The following SENP1 variants were observed in gnomAD, a reference collection of about 807,000 sequenced individuals.
SENP1 encodes sentrin-specific protease 1.
Under a neutral mutation model 93.0 loss-of-function variants are expected in SENP1, and 21 were observed. That is an observed-to-expected ratio of 0.23 (90% CI 0.16 to 0.33). The LOEUF is 0.33. Among genes scored for constraint, SENP1 ranks in the 10% least tolerant of loss-of-function variants. The pLI, the probability that SENP1 is intolerant of heterozygous loss-of-function variation, is 1.00. For synonymous variants in SENP1, 256 were observed against 259.6 expected, an observed-to-expected ratio of 0.99 and a Z score of 0.13; for missense variants, 591 against 758.7, an observed-to-expected ratio of 0.78 and a Z score of 2.60.
At chr12:48,071,578 T>G in intron 9 of SENP1, 89 bp downstream of exon 9, 1 of 920,560 alleles carries the variant, frequency 1.1e-6, no homozygotes, top group South Asian at 1.5e-5. Flanking sequence ...ATCGCGCCAC[T>G]ACACTCCAGC....
chr12:48,097,029 A>G (rs1002126284), intron 3 of SENP1, among the ~76,000 whole-genome samples: 2 of 152,112 alleles, frequency 1.3e-5, no homozygotes, highest in Non-Finnish European at 2.9e-5. Context: ...CATACTAACA[A>G]GAAAGGAAAA....
Position 48,088,688 on chromosome 12 carries a change from G to A in SENP1, c.380+113C>T, listed in dbSNP as rs996672479. The A allele has an allele frequency of 2.6e-5, 26 of 1,009,042 alleles. No homozygotes were observed. In the African/African-American group the frequency reaches 4.0e-4, roughly 15 times the overall value. 62.5% of individuals were successfully genotyped at this position (1,009,042 alleles called of 1,614,324 possible). ...TTTGTTCATATCCTTAAGGTTTAAA[G>A]TCCAAAAATGGTGTTACTCTTTTAA... On this transcript the variant is annotated intron_variant, in intron 5 of 17. Transcript: ENST00000549518.
At chr12:48,082,684 T>C (rs1475808118) in intron 6 of SENP1, among the ~76,000 whole-genome samples, 1 of 152,360 alleles carries the variant, frequency 6.6e-6, no homozygotes, top group Non-Finnish European at 1.5e-5. Flanking sequence ...GCAAATTATA[T>C]GCTACATTAC....
intron 2 of SENP1, among the ~76,000 whole-genome samples, chr12:48,098,685 T>C (rs372924802): frequency 2.0e-4 from 30 of 147,824 alleles, no homozygotes; most frequent in African/African-American, 7.0e-4. Flanking sequence ...GTGGCACGTG[T>C]CTGTAGCCTC....
At chr12:48,078,366 TACAC>T (rs1944283803) in intron 6 of SENP1, among the ~76,000 whole-genome samples, 1 of 112,204 alleles carries the variant, frequency 8.9e-6, no homozygotes, top group African/African-American at 3.3e-5. Context: ...CACACACACA[TACAC>T]ATATATACTT....
chr12:48,090,888 G>C (rs536561358), intron 4 of SENP1, among the ~76,000 whole-genome samples: 1 of 152,144 alleles, frequency 6.6e-6, no homozygotes, highest in African/African-American at 2.4e-5. Context: ...ATACAAGTGA[G>C]CCACTGTGCC....
intron 13 of SENP1, among the ~76,000 whole-genome samples, chr12:48,054,150 C>T (rs1022344005): frequency 3.3e-5 from 5 of 152,130 alleles, no homozygotes; most frequent in African/African-American, 9.7e-5. Context: ...GATCGATCTA[C>T]CTGTTCCAGT....
rs1159420328 is a variant in SENP1, at chr12:48,074,555, T to A, written c.709A>T (p.Asn237Tyr). 1.9e-6 allele frequency: 3 copies of A among 1,613,578 alleles called. No homozygotes were observed. The highest frequency in any genetic ancestry group is 2.5e-6 in the Non-Finnish European group (3 of 1,179,712). Reference sequence around the variant, plus strand: ...ATCTGAGATGCACAAGAGTTTCCATTTTTAAACAGTGAGTCTTTCAAAGTA... The same window carrying A: ...ATCTGAGATGCACAAGAGTTTCCATATTTAAACAGTGAGTCTTTCAAAGTA... Reference protein sequence around the residue: ...KNTLKDSLFKNGNSCASQIIG... With the variant: ...KNTLKDSLFKYGNSCASQIIG... Residue 237 changes from asparagine (N) to tyrosine (Y), a missense_variant, in exon 8 of 18, where the codon AAT becomes TAT. This residue lies in a region of SENP1 where 238 missense variants were observed against 259.1 expected (regional missense o/e 0.92). Transcript: ENST00000549518.
intron 5 of SENP1, chr12:48,085,419 T>C: frequency 1.8e-6 from 2 of 1,110,244 alleles, no homozygotes; most frequent in Non-Finnish European, 2.6e-6. Flanking sequence ...AGACCTGTGC[T>C]AGGGTCTTTG....
chr12:48,053,831 T>C (rs1027182823), intron 13 of SENP1, among the ~76,000 whole-genome samples: 3 of 152,228 alleles, frequency 2.0e-5, no homozygotes, highest in Non-Finnish European at 2.9e-5. Context: ...TCATTGGCCT[T>C]TCACTAGCTG....
In SENP1 at chr12:48,044,218, AG is replaced by A. The variant is rs1941196075; in HGVS notation, c.*1103del. On this transcript the variant is annotated 3_prime_UTR_variant, in exon 18 of 18. Transcript: ENST00000549518. Reference sequence around the variant, plus strand: ...AGGCCTCAAAAATATTCCATTAGGTAGTCCACAAACACCCTACTCATAGGGG... The same window carrying A: ...AGGCCTCAAAAATATTCCATTAGGTATCCACAAACACCCTACTCATAGGGG... 6.6e-6 allele frequency: 1 copy of A among 152,088 alleles called. No individual in the cohort carries two copies. The highest frequency in any genetic ancestry group is 1.5e-5 in the Non-Finnish European group (1 of 67,910). 9.4% of individuals were successfully genotyped at this position (152,088 alleles called of 1,614,324 possible).
intron 11 of SENP1, 35 bp downstream of exon 11, chr12:48,065,561 T>C (rs1943243241): frequency 2.2e-6 from 3 of 1,384,420 alleles, no homozygotes; most frequent in Non-Finnish European, 2.0e-6. Flanking sequence ...TGATGTACTA[T>C]TTATTTGTAA....
chr12:48,101,061 C>A (rs146334866), intron 2 of SENP1, among the ~76,000 whole-genome samples: 1 of 151,902 alleles, frequency 6.6e-6, no homozygotes, highest in Non-Finnish European at 1.5e-5. Flanking sequence ...TGAGGTGGGC[C>A]GATCACCTGA....
chr12:48,092,277 A>T (rs1206090257), intron 4 of SENP1, among the ~76,000 whole-genome samples: 1 of 152,184 alleles, frequency 6.6e-6, no homozygotes, highest in Non-Finnish European at 1.5e-5. Context: ...TAGCCCAATC[A>T]AGAGGTAAGG....
intron 9 of SENP1, among the ~76,000 whole-genome samples, chr12:48,070,004 A>G (rs1013063451): frequency 6.6e-6 from 1 of 152,212 alleles, no homozygotes; most frequent in Non-Finnish European, 1.5e-5. Flanking sequence ...TGGCAAAGGC[A>G]TAGCAATCAT....
At position 48,050,423 on chromosome 12, in the gene SENP1, C is replaced by T. The variant is rs527283204; in HGVS notation, c.1408-1291G>A. ...TGCCTAGGCAGCTGCGGGAAAACCA[C>T]ACTCGCCATGAGGCAGAGCTCTGAG... On this transcript the variant is annotated intron_variant, in intron 13 of 17. Coordinates refer to ENST00000549518, the MANE Select transcript of SENP1 (RefSeq NM_001267594.2). Among the ~76,000 whole-genome samples, 19 of 152,310 alleles carry T rather than the reference C, an allele frequency of 1.2e-4. No individual in the cohort carries two copies. The East Asian group carries it at 2.7e-3, about 22-fold the overall frequency.
intron 13 of SENP1, among the ~76,000 whole-genome samples, chr12:48,055,838 A>C (rs1232504280): frequency 6.9e-6 from 1 of 144,040 alleles, no homozygotes; most frequent in Non-Finnish European, 1.5e-5. Context: ...TTATATATTT[A>C]TATATATTAA....
intron 13 of SENP1, among the ~76,000 whole-genome samples, chr12:48,055,831 T>C (rs952683787): frequency 1.4e-5 from 2 of 144,154 alleles, no homozygotes; most frequent in African/African-American, 2.5e-5. Context: ...ATATATTTTA[T>C]ATATTTATAT....
chr12:48,076,551 C>T (rs1005604038), intron 6 of SENP1, among the ~76,000 whole-genome samples: 9 of 151,932 alleles, frequency 5.9e-5, no homozygotes, highest in African/African-American at 1.9e-4. Context: ...AGGCTGGTCT[C>T]GAACTCCTAA....
Sources: gnomAD v4.1 joint callset for allele counts (sites outside exome capture counted in the v4.1 genomes callset) on GRCh38, gnomAD v4.1.1 for gene constraint, gnomAD v4.1.1 regional missense constraint, MANE v1.5 for transcripts, NCBI Gene and HGNC (gene_info 2026-07-23, HGNC 2026-07-21) for gene names.